The following LRP2 variants were observed in gnomAD, a reference collection of about 807,000 sequenced individuals.
LRP2 encodes LDL receptor related protein 2.
Under a neutral mutation model 531.0 loss-of-function variants are expected in LRP2, and 172 were observed. The observed-to-expected ratio is 0.32, with a 90% CI of 0.29 to 0.37. The LOEUF (loss-of-function observed/expected upper bound fraction) is 0.37. Ranked by LOEUF, LRP2 falls within the 10% of genes least tolerant of loss-of-function variation. The pLI, the probability that LRP2 is intolerant of heterozygous loss-of-function variation, is 1.00. For synonymous variants in LRP2, 1,992 were observed against 2,027.6 expected, an observed-to-expected ratio of 0.98 and a Z score of 0.47; for missense variants, 5,167 against 5,868.3, an observed-to-expected ratio of 0.88 and a Z score of 3.90.
chr2:169,157,328 T>A lies in LRP2; in HGVS notation c.12019+43A>T, dbSNP rs80009544. 5.0e-6 allele frequency: 8 copies of A among 1,601,572 alleles called. No individual in the cohort carries two copies. In the South Asian group the frequency reaches 7.7e-5, roughly 15 times the overall value. Reference sequence around the variant, plus strand: ...AGGGGAGTGGGTGGAGAACCTTAGATGTAAAGTTCACCTAAACAGGAATTG... The same window carrying A: ...AGGGGAGTGGGTGGAGAACCTTAGAAGTAAAGTTCACCTAAACAGGAATTG... On this transcript the variant is annotated intron_variant, in intron 64 of 78. Coordinates refer to ENST00000649046, the MANE Select transcript of LRP2 (RefSeq NM_004525.3).
At position 169,259,097 on chromosome 2, in the gene LRP2, G is replaced by C; in HGVS notation, c.2441C>G (p.Ala814Gly). 5 of 1,613,370 alleles carry C rather than the reference G, an allele frequency of 3.1e-6. No homozygotes were observed. Among genetic ancestry groups the C allele is most frequent in the Non-Finnish European group, 4.2e-6 (5 of 1,179,590 alleles). The change falls in exon 17 of 79, where the codon GCT (alanine) becomes GGT (glycine). Residue 814 changes from alanine to glycine, a missense_variant. Ala to Gly is a moderately conservative substitution (Grantham distance 60). Around this residue, in one of 6 missense-constraint regions of LRP2, gnomAD observed 2,811 missense variants for 3,058.0 expected, o/e 0.92. Transcript: ENST00000649046. ...AACTACTGTGCGTCTCGTTTTATCA[G>C]CTAGCCTCATGACACTGATACTCTT... ...HYKSISVMRL[A>G]DKTRRTVVQY...
At chr2:169,225,601 T>C (rs1476575667) in intron 32 of LRP2, 148 bp from the exon 33 acceptor site, 2 of 870,892 alleles carry the variant, frequency 2.3e-6, no homozygotes, top group Non-Finnish European at 3.6e-6. Context: ...TCAGCACCAC[T>C]GGGTAGGCTT....
intron 4 of LRP2, among the ~76,000 whole-genome samples, chr2:169,301,195 C>T (rs970250657): frequency 5.3e-5 from 8 of 151,976 alleles, no homozygotes; most frequent in African/African-American, 1.9e-4. Flanking sequence ...TAATATGGTG[C>T]TTGAAAAAGC....
In LRP2 at chr2:169,127,586, G is replaced by A. The variant is rs1685142859; in HGVS notation, c.*1077C>T. On this transcript the variant is annotated 3_prime_UTR_variant, in exon 79 of 79. Coordinates refer to ENST00000649046, the MANE Select transcript of LRP2 (RefSeq NM_004525.3). The stretch of plus-strand genomic sequence containing the variant: ...AAGAATTAAAGAAAAGATCTGGACT[G>A]TACAGTACATTCTAATATAAATGTA... The A allele has an allele frequency of 1.4e-5, 2 of 147,876 alleles. No homozygotes were observed. Among genetic ancestry groups the A allele is most frequent in the Admixed American group, 6.7e-5 (1 of 14,824 alleles). 9.2% of individuals were successfully genotyped at this position (147,876 alleles called of 1,614,324 possible).
chr2:169,283,525 G>C (rs773593034), intron 9 of LRP2, among the ~76,000 whole-genome samples: 1 of 152,294 alleles, frequency 6.6e-6, no homozygotes, highest in East Asian at 1.9e-4. Context: ...ACTGCAGAAA[G>C]TTCTATTGGA....
chr2:169,241,075 G>A lies in LRP2; in HGVS notation c.3958C>T (p.Leu1320Phe). 27 of 1,614,094 alleles carry A rather than the reference G, an allele frequency of 1.7e-5. No individual in the cohort carries two copies. Among genetic ancestry groups the A allele is most frequent in the Non-Finnish European group, 2.2e-5 (26 of 1,179,968 alleles). The change falls in exon 25 of 79, where the codon CTT becomes TTT. Residue 1320 changes from leucine (L) to phenylalanine (F), a missense_variant. By Grantham distance (22) the Leu-to-Phe change is conservative (BLOSUM62 0). Transcript: ENST00000649046. ...FRCPSWQWQCLGHNICVNLSV... is the reference protein window; with the variant it reads ...FRCPSWQWQCFGHNICVNLSV... ...AGATTCACACAGATGTTATGGCCAA[G>A]ACACTGCCATTGCCAACTAGGACAG...
At chr2:169,205,950 T>C (rs1688369002) in intron 40 of LRP2, 73 bp downstream of exon 40, 2 of 1,569,562 alleles carry the variant, frequency 1.3e-6, no homozygotes, top group Non-Finnish European at 1.8e-6. Flanking sequence ...TGGCTATCTA[T>C]GAACATAATT....
intron 62 of LRP2, among the ~76,000 whole-genome samples, chr2:169,163,376 T>C (rs1686658073): frequency 6.6e-6 from 1 of 152,138 alleles, no homozygotes; most frequent in South Asian, 2.1e-4. Flanking sequence ...ATTTGCTGTG[T>C]GAGAAAAGCC....
chr2:169,238,806 G>A (rs1305852682), intron 26 of LRP2, among the ~76,000 whole-genome samples: 4 of 152,264 alleles, frequency 2.6e-5, no homozygotes, highest in African/African-American at 9.6e-5. Flanking sequence ...TCCAGCCAGA[G>A]ACATTTCTCT....
chr2:169,194,434 A>G (rs1175856467), intron 46 of LRP2, among the ~76,000 whole-genome samples: 1 of 152,160 alleles, frequency 6.6e-6, no homozygotes, highest in African/African-American at 2.4e-5. Flanking sequence ...ACACAGCCCA[A>G]AAGTTCCTAG....
At chr2:169,190,393 T>C (rs929899888) in intron 48 of LRP2, among the ~76,000 whole-genome samples, 2 of 152,194 alleles carry the variant, frequency 1.3e-5, no homozygotes, top group African/African-American at 4.8e-5. Flanking sequence ...CAGAGTGTAT[T>C]TTCCTGATAG....
At position 169,213,814 on chromosome 2, in the gene LRP2, G is replaced by A; in HGVS notation, c.5883C>T (p.Ser1961=). 6.2e-7 allele frequency: 1 copy of A among 1,613,630 alleles called. No homozygotes were observed. The highest frequency in any genetic ancestry group is 1.1e-5 in the South Asian group (1 of 91,060). The part of the protein sequence containing the change: ...TDRMILVHQL[S]HPWGIAVHDS... ...CATGGACTGCAATTCCCCAGGGGTGGGAAAGCTGGTGTACCAGGATCATTC... is the reference window on the plus strand; with the variant it reads ...CATGGACTGCAATTCCCCAGGGGTGAGAAAGCTGGTGTACCAGGATCATTC... Residue 1961 remains serine, a synonymous_variant, in exon 36 of 79, where the codon TCC becomes TCT. Transcript: ENST00000649046.
intron 58 of LRP2, among the ~76,000 whole-genome samples, chr2:169,171,681 T>C (rs981798301): frequency 6.6e-6 from 1 of 152,242 alleles, no homozygotes; most frequent in Admixed American, 6.5e-5. Context: ...TCTATTTCTA[T>C]TCTATTTATC....
intron 29 of LRP2, 139 bp from the exon 30 acceptor site, chr2:169,233,727 C>T (rs1559031499): frequency 8.4e-6 from 7 of 836,026 alleles, no homozygotes; most frequent in Non-Finnish European, 1.2e-5. Flanking sequence ...AGTCATTGTG[C>T]AAAAGAGCGG....
rs975033385 is a variant in LRP2, at chr2:169,274,967, T to G, written c.1975+69A>C. 96 of 1,490,164 alleles carry G rather than the reference T, an allele frequency of 6.4e-5. 1 individual carries two copies. Among genetic ancestry groups the G allele is most frequent in the Non-Finnish European group, 8.9e-5 (95 of 1,070,578 alleles). 92.3% of individuals were successfully genotyped at this position (1,490,164 alleles called of 1,614,324 possible). A position where few individuals can be genotyped will look rare whatever the true frequency, so the allele number is the denominator to read the frequency against. On this transcript the variant is annotated intron_variant, in intron 14 of 78. Coordinates refer to ENST00000649046, the MANE Select transcript of LRP2 (RefSeq NM_004525.3). ...ACATAAGACCCCTCATTATTAACTT[T>G]CAAAGCTTTGAGAAAACCTTTCCAC... is the stretch of plus-strand genomic sequence containing the variant.
chr2:169,324,795 A>C (rs2673177), intron 1 of LRP2, among the ~76,000 whole-genome samples: 1 of 151,892 alleles, frequency 6.6e-6, no homozygotes, highest in African/African-American at 2.4e-5. Flanking sequence ...AAGGAACAAC[A>C]CTGGATTGAG....
intron 16 of LRP2, among the ~76,000 whole-genome samples, chr2:169,260,823 G>C (rs1000041130): frequency 5.3e-5 from 8 of 150,902 alleles, no homozygotes; most frequent in African/African-American, 1.7e-4. Flanking sequence ...CAGATTTACA[G>C]TTTTTTATAG....
Position 169,272,940 on chromosome 2 carries a change from C to T in LRP2, c.2103G>A (p.Glu701=), listed in dbSNP as rs1322748117. The change falls in exon 15 of 79, where the codon GAG becomes GAA. Residue 701 remains glutamate (E), a synonymous_variant. Coordinates refer to ENST00000649046, the MANE Select transcript of LRP2 (RefSeq NM_004525.3). ...CTFGFQLDTD[E]RHCIAVQNFL... Reference sequence around the variant, plus strand: ...CAGACTTCTTACCAATGCAGTGGCGCTCATCTGTATCCAGTTGGAAGCCGA... The same window carrying T: ...CAGACTTCTTACCAATGCAGTGGCGTTCATCTGTATCCAGTTGGAAGCCGA... The T allele has an allele frequency of 1.2e-6, 2 of 1,613,718 alleles. No individual in the cohort carries two copies. The highest frequency in any genetic ancestry group is 1.7e-6 in the Non-Finnish European group (2 of 1,179,730).
chr2:169,277,710 T>A, intron 13 of LRP2, 35 bp downstream of exon 13: 2 of 1,583,626 alleles, frequency 1.3e-6, no homozygotes, highest in Non-Finnish European at 1.7e-6. Context: ...TCCCTGCAAC[T>A]TATAAAGCCA....
Sources: gnomAD v4.1 joint callset for allele counts (sites outside exome capture counted in the v4.1 genomes callset) on GRCh38, gnomAD v4.1.1 for gene constraint, gnomAD v4.1.1 regional missense constraint, MANE v1.5 for transcripts, NCBI Gene and HGNC (gene_info 2026-07-23, HGNC 2026-07-21) for gene names.